The following ST8SIA1 variants were observed in gnomAD, a reference collection of about 807,000 sequenced individuals.
The protein encoded by ST8SIA1 is ST8 alpha-N-acetyl-neuraminide alpha-2,8-sialyltransferase 1.
ST8SIA1 carries 16 observed loss-of-function variants against 35.9 expected under a neutral mutation model. The observed-to-expected ratio is 0.45, with a 90% CI of 0.30 to 0.68. The LOEUF is 0.68. ST8SIA1 is among the 30% of genes least tolerant of loss of function. The pLI, the probability that ST8SIA1 is intolerant of heterozygous loss-of-function variation, is 0.09. For synonymous variants in ST8SIA1, 170 were observed against 169.6 expected, an observed-to-expected ratio of 1.00 and a Z score of -0.02; for missense variants, 383 against 453.6, an observed-to-expected ratio of 0.84 and a Z score of 1.41.
intron 1 of ST8SIA1, among the ~76,000 whole-genome samples, chr12:22,331,635 A>G (rs1866766417): frequency 6.6e-6 from 1 of 152,228 alleles, no homozygotes; most frequent in East Asian, 1.9e-4. Flanking sequence ...TAACAAATAA[A>G]CACTACTGCC....
At chr12:22,277,366 CT>C (rs34650104) in intron 2 of ST8SIA1, among the ~76,000 whole-genome samples, 19,064 of 124,690 alleles carry the variant, frequency 0.15, 986 homozygotes, top group Middle Eastern at 0.21. Context: ...TAATAGTGAA[CT>C]TTTTTTTTTT....
intron 1 of ST8SIA1, among the ~76,000 whole-genome samples, chr12:22,331,346 G>A (rs190696665): frequency 4.7e-4 from 71 of 152,318 alleles, no homozygotes; most frequent in African/African-American, 1.7e-3. Flanking sequence ...CATATCTGAT[G>A]TAGAGTAGTC....
rs76577228 is a variant in ST8SIA1, at chr12:22,266,492, T to A, written c.382-11103A>T. 2.0e-3 allele frequency among the ~76,000 whole-genome samples: 275 copies of A among 139,132 alleles called. 4 individuals carry two copies. The East Asian group carries it at 0.052, about 26-fold the overall frequency. 91.3% of individuals were successfully genotyped at this position (139,132 alleles called of 152,430 possible). A position where few individuals can be genotyped will look rare whatever the true frequency, so the allele number is the denominator to read the frequency against. ...CAAGGTTATACCAGAAAACCCCTAT[T>A]TAAAAAAAAAATATATATATATATA... On this transcript the variant is annotated intron_variant, in intron 2 of 4. Coordinates refer to ENST00000396037, the MANE Select transcript of ST8SIA1 (RefSeq NM_003034.4).
intron 2 of ST8SIA1, among the ~76,000 whole-genome samples, chr12:22,281,059 T>G (rs1387150737): frequency 6.6e-6 from 1 of 152,210 alleles, no homozygotes; most frequent in Non-Finnish European, 1.5e-5. Flanking sequence ...TCACCCTTTT[T>G]TTAGTGGTGT....
At chr12:22,218,541 C>T (rs1373164401) in intron 4 of ST8SIA1, among the ~76,000 whole-genome samples, 1 of 151,478 alleles carries the variant, frequency 6.6e-6, no homozygotes, top group Admixed American at 6.6e-5. Context: ...TCGCTTGAAC[C>T]TGGGAGGCAG....
chr12:22,321,018 GAA>G (rs368263312), intron 1 of ST8SIA1, among the ~76,000 whole-genome samples: 6,356 of 91,034 alleles, frequency 0.07, 290 homozygotes, highest in East Asian at 0.13. Context: ...AAGAAAGAAA[GAA>G]AGAAAGAAAG....
chr12:22,193,765 T>C lies in ST8SIA1; in HGVS notation c.*7787A>G, dbSNP rs536885674. On this transcript the variant is annotated 3_prime_UTR_variant, in exon 5 of 5. Transcript: ENST00000396037. ...TTTAATAGAAAGAAGCAATTCCATA[T>C]ACTCTTCAAAGGTGATTTCAATTTT... 1 of 152,364 alleles carries C rather than the reference T, an allele frequency of 6.6e-6. No homozygotes were observed. The highest frequency in any genetic ancestry group is 1.5e-5 in the Non-Finnish European group (1 of 68,040). The allele number at this position is 152,364 out of a possible 1,614,324, so 9.4% of individuals were successfully genotyped here. A position where few individuals can be genotyped will look rare whatever the true frequency, so the allele number is the denominator to read the frequency against.
intron 4 of ST8SIA1, among the ~76,000 whole-genome samples, chr12:22,231,044 T>C (rs1199902276): frequency 2.0e-5 from 3 of 151,674 alleles, no homozygotes; most frequent in African/African-American, 7.3e-5. Flanking sequence ...GCTTGATGTT[T>C]TGTAAGTTGA....
rs923889146 is a variant in ST8SIA1, at chr12:22,199,153, T to A, written c.*2399A>T. On this transcript the variant is annotated 3_prime_UTR_variant, in exon 5 of 5. Transcript: ENST00000396037. ...TTCCACATAATATTTTCTTTCTTTT[T>A]CTTTTCTTTTTTTTTTTTTTGAGAC... is the stretch of plus-strand genomic sequence containing the variant. 10 of 84,304 alleles carry A rather than the reference T, an allele frequency of 1.2e-4. No homozygotes were observed. The highest frequency in any genetic ancestry group is 4.2e-4 in the African/African-American group (10 of 23,582). 5.2% of individuals were successfully genotyped at this position (84,304 alleles called of 1,614,324 possible).
intron 4 of ST8SIA1, among the ~76,000 whole-genome samples, chr12:22,202,324 T>C (rs1165204690): frequency 6.6e-6 from 1 of 152,196 alleles, no homozygotes; most frequent in Non-Finnish European, 1.5e-5. Flanking sequence ...CAGAACGTTT[T>C]TGCCTGAAAT....
intron 3 of ST8SIA1, among the ~76,000 whole-genome samples, chr12:22,254,847 C>T (rs915485235): frequency 2.6e-5 from 4 of 152,158 alleles, no homozygotes; most frequent in African/African-American, 9.7e-5. Flanking sequence ...CTTCAGATCC[C>T]ACTTGCTACT....
intron 1 of ST8SIA1, among the ~76,000 whole-genome samples, chr12:22,314,266 C>T (rs1866488036): frequency 6.6e-6 from 1 of 152,180 alleles, no homozygotes; most frequent in South Asian, 2.1e-4. Context: ...CATCAAAGAA[C>T]TCTCAAACAT....
intron 2 of ST8SIA1, among the ~76,000 whole-genome samples, chr12:22,279,207 C>T (rs566830094): frequency 5.3e-4 from 80 of 152,316 alleles, no homozygotes; most frequent in Non-Finnish European, 3.8e-4. Context: ...AATGATTGGG[C>T]ATGGTCACCT....
chr12:22,199,401 T>C lies in ST8SIA1; in HGVS notation c.*2151A>G, dbSNP rs1415754304. On this transcript the variant is annotated 3_prime_UTR_variant, in exon 5 of 5. Coordinates refer to ENST00000396037, the MANE Select transcript of ST8SIA1 (RefSeq NM_003034.4). Reference sequence around the variant, plus strand: ...TGCGTTTTTGTTAAGCCTTTTATATTTTTAATGGTAGACTAGTAAAAATGT... The same window carrying C: ...TGCGTTTTTGTTAAGCCTTTTATATCTTTAATGGTAGACTAGTAAAAATGT... 2 of 152,160 alleles carry C rather than the reference T, an allele frequency of 1.3e-5. No homozygotes were observed. The allele number at this position is 152,160 out of a possible 1,614,324, so 9.4% of individuals were successfully genotyped here.
rs1358234347 is a variant in ST8SIA1 at position 22,194,570 on chromosome 12, C to T, written c.*6982G>A. 6.6e-6 allele frequency: 1 copy of T among 152,242 alleles called. No individual in the cohort carries two copies. Among genetic ancestry groups the T allele is most frequent in the Non-Finnish European group, 1.5e-5 (1 of 68,108 alleles). The allele number at this position is 152,242 out of a possible 1,614,324, so 9.4% of individuals were successfully genotyped here. On this transcript the variant is annotated 3_prime_UTR_variant, in exon 5 of 5. Transcript: ENST00000396037. Reference sequence around the variant, plus strand: ...AAGTTAAGGCACCCTCTGCCACTCCCCACTCCCACTGAATCAACCATCTCC... The same window carrying T: ...AAGTTAAGGCACCCTCTGCCACTCCTCACTCCCACTGAATCAACCATCTCC...
At chr12:22,327,144 A>G (rs1866691916) in intron 1 of ST8SIA1, among the ~76,000 whole-genome samples, 1 of 152,234 alleles carries the variant, frequency 6.6e-6, no homozygotes, top group South Asian at 2.1e-4. Flanking sequence ...GAACAAAAGT[A>G]CAACTGTATC....
intron 2 of ST8SIA1, among the ~76,000 whole-genome samples, chr12:22,262,896 C>T (rs938838811): frequency 1.3e-5 from 2 of 152,134 alleles, no homozygotes; most frequent in Non-Finnish European, 2.9e-5. Flanking sequence ...CAAGAGATTG[C>T]GGGCAGGCTG....
At chr12:22,280,429 GC>G (rs895446544) in intron 2 of ST8SIA1, among the ~76,000 whole-genome samples, 2 of 152,136 alleles carry the variant, frequency 1.3e-5, no homozygotes, top group African/African-American at 4.8e-5. Flanking sequence ...CTCCCGTCAG[GC>G]CTACGGGATG....
At chr12:22,282,878 A>T (rs1257426197) in intron 2 of ST8SIA1, among the ~76,000 whole-genome samples, 1 of 152,164 alleles carries the variant, frequency 6.6e-6, no homozygotes, top group Non-Finnish European at 1.5e-5. Flanking sequence ...AAAACTACCA[A>T]ATTCTGTAGA....
Sources: gnomAD v4.1 joint callset for allele counts (sites outside exome capture counted in the v4.1 genomes callset) on GRCh38, gnomAD v4.1.1 for gene constraint, MANE v1.5 for transcripts, NCBI Gene and HGNC (gene_info 2026-07-23, HGNC 2026-07-21) for gene names.